Variants in RAB11FIP4 observed in about 807,000 individuals in gnomAD.
The protein encoded by RAB11FIP4 is rab11 family-interacting protein 4.
RAB11FIP4 carries 23 observed loss-of-function variants against 74.3 expected under a neutral mutation model. That is an observed-to-expected ratio of 0.31 (90% CI 0.22 to 0.44). The LOEUF is 0.44. Ranked by LOEUF, RAB11FIP4 falls within the 20% of genes least tolerant of loss-of-function variation. The probability of loss-of-function intolerance (pLI) is 1.00; values close to 1 mark genes in which losing one functional copy is unlikely to be tolerated. For synonymous variants in RAB11FIP4, 360 were observed against 359.9 expected (o/e 1.00, Z 0.00); for missense variants, 630 against 863.9 (o/e 0.73, Z 3.39).
At chr17:31,406,365 T>C (rs1420412735) in intron 1 of RAB11FIP4, among the ~76,000 whole-genome samples, 1 of 152,164 alleles carries the variant, frequency 6.6e-6, no homozygotes, top group Non-Finnish European at 1.5e-5. Flanking sequence ...CTAGACACTG[T>C]GTGGGTGGAA....
intron 3 of RAB11FIP4, among the ~76,000 whole-genome samples, chr17:31,473,697 G>A (rs2071762501): frequency 6.6e-6 from 1 of 152,212 alleles, no homozygotes; most frequent in African/African-American, 2.4e-5. Flanking sequence ...AGCCATCCAG[G>A]GCTATTCCAT....
chr17:31,406,645 A>T (rs1156769472), intron 1 of RAB11FIP4, among the ~76,000 whole-genome samples: 1 of 152,002 alleles, frequency 6.6e-6, no homozygotes, highest in African/African-American at 2.4e-5. Flanking sequence ...CATTTTTTCC[A>T]TGTTGCTATT....
chr17:31,413,967 G>GTCCGCAGTT (rs2071123976), intron 1 of RAB11FIP4, among the ~76,000 whole-genome samples: 1 of 152,238 alleles, frequency 6.6e-6, no homozygotes. Flanking sequence ...GTTCACGGGT[G>GTCCGCAGTT]TCCGCAGCTT....
chr17:31,499,656 C>T (rs1409261318), intron 3 of RAB11FIP4, among the ~76,000 whole-genome samples: 1 of 152,210 alleles, frequency 6.6e-6, no homozygotes, highest in Non-Finnish European at 1.5e-5. Context: ...CACCTGGCCA[C>T]ATTTCCCCAT....
In RAB11FIP4 at chr17:31,505,556, A is replaced by AT. The variant is rs1210929062; in HGVS notation, c.337-12094dup. ...TAATTATTATATATTATATATAATA[A>AT]TAATTATAATATATAATAATATATA... On this transcript the variant is annotated intron_variant, in intron 3 of 14. Transcript: ENST00000621161. Among the ~76,000 whole-genome samples, 137 of 72,614 alleles carry AT rather than the reference A, an allele frequency of 1.9e-3. 3 individuals are homozygous for AT. The highest frequency in any genetic ancestry group is 3.1e-3 in the Non-Finnish European group (117 of 37,274). 47.6% of individuals were successfully genotyped at this position (72,614 alleles called of 152,430 possible). A position where few individuals can be genotyped will look rare whatever the true frequency, so the allele number is the denominator to read the frequency against.
intron 3 of RAB11FIP4, among the ~76,000 whole-genome samples, chr17:31,501,580 G>A (rs1453118372): frequency 6.6e-6 from 1 of 152,148 alleles, no homozygotes; most frequent in Non-Finnish European, 1.5e-5. Flanking sequence ...CCAGGATGGA[G>A]TGCAGTGGCG....
At chr17:31,410,451 C>T (rs1372953082) in intron 1 of RAB11FIP4, among the ~76,000 whole-genome samples, 5 of 152,122 alleles carry the variant, frequency 3.3e-5, no homozygotes, top group African/African-American at 1.2e-4. Flanking sequence ...TGGTGGCTCA[C>T]GTCTGTAATC....
chr17:31,520,578 G>A (rs2072644343), intron 4 of RAB11FIP4, among the ~76,000 whole-genome samples: 1 of 152,034 alleles, frequency 6.6e-6, no homozygotes, highest in South Asian at 2.1e-4. Flanking sequence ...CACAATCTCG[G>A]CTCACTGCAA....
At chr17:31,501,139 TA>T (rs1023502473) in intron 3 of RAB11FIP4, among the ~76,000 whole-genome samples, 7 of 152,050 alleles carry the variant, frequency 4.6e-5, no homozygotes, top group Non-Finnish European at 8.8e-5. Context: ...TATCATCTCT[TA>T]AGAAGTAGCA....
At chr17:31,517,615 G>T (rs773435656) in intron 3 of RAB11FIP4, 36 bp from the exon 4 acceptor site, 3 of 1,553,020 alleles carry the variant, frequency 1.9e-6, no homozygotes. Flanking sequence ...TGGGAAGCTG[G>T]CCTCACTTAT....
Position 31,533,819 on chromosome 17 carries a change from C to T in RAB11FIP4, c.*2087C>T, listed in dbSNP as rs934051235. The T allele has an allele frequency of 1.3e-5, 2 of 152,296 alleles. No individual in the cohort carries two copies. The highest frequency in any genetic ancestry group is 1.9e-4 in the East Asian group (1 of 5,180). The allele number at this position is 152,296 out of a possible 1,614,324, so 9.4% of individuals were successfully genotyped here. The stretch of plus-strand genomic sequence containing the variant: ...CTAAGGGGCGCCATGGGAACAGGCT[C>T]CGGAGGGAGCCGGCGTCTGAAAGGC... On this transcript the variant is annotated 3_prime_UTR_variant, in exon 15 of 15. Transcript: ENST00000621161.
intron 3 of RAB11FIP4, among the ~76,000 whole-genome samples, chr17:31,439,439 G>A (rs2071388847): frequency 6.6e-6 from 1 of 152,224 alleles, no homozygotes; most frequent in Admixed American, 6.5e-5. Flanking sequence ...GCCCATTGCT[G>A]CCGTCCTCTG....
At chr17:31,483,432 G>A (rs572765074) in intron 3 of RAB11FIP4, among the ~76,000 whole-genome samples, 78 of 152,230 alleles carry the variant, frequency 5.1e-4, no homozygotes, top group Non-Finnish European at 9.6e-4. Context: ...CACCTCTGGG[G>A]CTCATTCCCC....
rs540691766 is a variant in RAB11FIP4, at chr17:31,473,176, G to T, written c.336+39054G>T. ...CCGGGCAGAGGTTCTGAGAGCACAA[G>T]CAAGGAGTCTGCACAAGAGGCCAGG... On this transcript the variant is annotated intron_variant, in intron 3 of 14. Transcript: ENST00000621161. Among the ~76,000 whole-genome samples the T allele has an allele frequency of 2.6e-5, 4 of 152,276 alleles. No homozygotes were observed. The South Asian group carries it at 6.2e-4, about 24-fold the overall frequency.
rs529889004 is a variant in RAB11FIP4 at position 31,463,427 on chromosome 17, G to A, written c.336+29305G>A. Among the ~76,000 whole-genome samples, 29 of 152,278 alleles carry A rather than the reference G, an allele frequency of 1.9e-4. 1 individual carries two copies. In the South Asian group the frequency reaches 3.9e-3, roughly 21 times the overall value. ...CACTAGATCAGAGTTAGTTGGGGTC[G>A]TTGAGGGCTCTCAATTTTGGCACCA... On this transcript the variant is annotated intron_variant, in intron 3 of 14. Coordinates refer to ENST00000621161, the MANE Select transcript of RAB11FIP4 (RefSeq NM_032932.6).
At chr17:31,470,030 G>T (rs1475750756) in intron 3 of RAB11FIP4, among the ~76,000 whole-genome samples, 1 of 152,204 alleles carries the variant, frequency 6.6e-6, no homozygotes, top group Non-Finnish European at 1.5e-5. Context: ...CACAGAGCAG[G>T]GGTGCCCCTG....
In RAB11FIP4 at chr17:31,531,611, T is replaced by C. The variant is rs1298596172; in HGVS notation, c.1798-5T>C. Reference sequence around the variant, plus strand: ...CCACTGACCCGTCTTTCCCATTTCCTTCAGCTAATGGAAGCCCTGAAGGAG... The same window carrying C: ...CCACTGACCCGTCTTTCCCATTTCCCTCAGCTAATGGAAGCCCTGAAGGAG... On this transcript the variant is annotated splice_region_variant and splice_polypyrimidine_tract_variant and intron_variant, in intron 14 of 14. Coordinates refer to ENST00000621161, the MANE Select transcript of RAB11FIP4 (RefSeq NM_032932.6). 1 of 1,605,772 alleles carries C rather than the reference T, an allele frequency of 6.2e-7. No individual in the cohort carries two copies. Among genetic ancestry groups the C allele is most frequent in the African/African-American group, 1.3e-5 (1 of 74,886 alleles).
intron 3 of RAB11FIP4, among the ~76,000 whole-genome samples, chr17:31,453,355 CAAAAAAAAAAAA>C (rs747844559): frequency 2.9e-4 from 21 of 71,810 alleles, no homozygotes; most frequent in Non-Finnish European, 2.7e-4. Context: ...GACCCTACCT[CAAAAAAAAAAAA>C]AAAAAAAAAA....
At chr17:31,453,792 C>CA (rs555119408) in intron 3 of RAB11FIP4, among the ~76,000 whole-genome samples, 3,800 of 61,812 alleles carry the variant, frequency 0.061, 154 homozygotes, top group African/African-American at 0.13. Context: ...AGACTCGTCT[C>CA]AAAAAAAAAA....
Sources: gnomAD v4.1 joint callset for allele counts (sites outside exome capture counted in the v4.1 genomes callset) on GRCh38, gnomAD v4.1.1 for gene constraint, MANE v1.5 for transcripts, NCBI Gene and HGNC (gene_info 2026-07-23, HGNC 2026-07-21) for gene names.